The following VPS13B variants were observed in gnomAD, a reference collection of about 807,000 sequenced individuals.
VPS13B encodes vacuolar protein sorting 13 homolog B, also known as intermembrane lipid transfer protein VPS13B.
Under a neutral mutation model 426.4 loss-of-function variants are expected in VPS13B, and 285 were observed. The ratio of observed to expected loss-of-function variants is 0.67; its 90% CI spans 0.61 to 0.74. The LOEUF is 0.74. Ranked by LOEUF, VPS13B falls within the 30% of genes least tolerant of loss-of-function variation. The probability of loss-of-function intolerance (pLI) is 0.00; values close to 1 mark genes in which losing one functional copy is unlikely to be tolerated. For missense variants in VPS13B, 4,537 were observed against 4,782.6 expected (o/e 0.95, Z 1.51); for synonymous variants, 1,676 against 1,676.4 (o/e 1.00, Z 0.01).
chr8:99,550,253 T>A (rs938280094), intron 30 of VPS13B, among the ~76,000 whole-genome samples: 27 of 152,274 alleles, frequency 1.8e-4, no homozygotes, highest in Admixed American at 1.2e-3. Context: ...CTAGCAGTTT[T>A]ATTTTATAAC....
intron 33 of VPS13B, among the ~76,000 whole-genome samples, chr8:99,605,998 G>T (rs575334682): frequency 7.2e-5 from 11 of 151,920 alleles, no homozygotes; most frequent in Non-Finnish European, 1.3e-4. Flanking sequence ...CAGATTCAAG[G>T]GATCCTCCCA....
chr8:99,267,772 A>G (rs767788652), intron 17 of VPS13B, among the ~76,000 whole-genome samples: 2 of 152,044 alleles, frequency 1.3e-5, no homozygotes, highest in Non-Finnish European at 2.9e-5. Context: ...TTCTGGGGAG[A>G]AAGTGAAGCT....
intron 33 of VPS13B, among the ~76,000 whole-genome samples, chr8:99,580,810 C>T (rs982560145): frequency 2.6e-5 from 4 of 151,808 alleles, no homozygotes; most frequent in African/African-American, 9.7e-5. Context: ...TGTGATGGTG[C>T]CACTCCACTC....
chr8:99,583,551 A>G (rs1293558155), intron 33 of VPS13B, among the ~76,000 whole-genome samples: 1 of 152,196 alleles, frequency 6.6e-6, no homozygotes, highest in East Asian at 1.9e-4. Flanking sequence ...ACTTAGAAAT[A>G]ATCAGTTTTG....
chr8:99,034,056 A>T (rs1842632917), intron 2 of VPS13B, among the ~76,000 whole-genome samples: 1 of 152,090 alleles, frequency 6.6e-6, no homozygotes, highest in Non-Finnish European at 1.5e-5. Flanking sequence ...CATGTGTCAT[A>T]GTTGTTTGTT....
chr8:99,289,245 A>G (rs915092222), intron 19 of VPS13B, among the ~76,000 whole-genome samples: 2 of 152,152 alleles, frequency 1.3e-5, no homozygotes, highest in Non-Finnish European at 2.9e-5. Flanking sequence ...GTTAAGAACA[A>G]TAGTAAATTT....
rs571305058 is a variant in VPS13B, at chr8:99,580,630, G to T, written c.5220+2997G>T. 1.3e-4 allele frequency among the ~76,000 whole-genome samples: 20 copies of T among 151,834 alleles called. No individual in the cohort carries two copies. In the East Asian group the frequency reaches 3.7e-3, roughly 28 times the overall value. On this transcript the variant is annotated intron_variant, in intron 33 of 61. Coordinates refer to ENST00000357162, the MANE Select transcript of VPS13B (RefSeq NM_152564.5). ...ACTGGGAGGCTGAGGTGGGCGGATT[G>T]CTTGAGCCCAGGAGTTCACAATCAG...
chr8:99,511,105 C>T lies in VPS13B; in HGVS notation c.4226C>T (p.Thr1409Ile). 2 of 1,612,234 alleles carry T rather than the reference C, an allele frequency of 1.2e-6. No homozygotes were observed. Among genetic ancestry groups the T allele is most frequent in the Admixed American group, 1.7e-5 (1 of 59,994 alleles). Residue 1409 changes from threonine to isoleucine, a missense_variant and splice_region_variant, in exon 29 of 62, where the codon ACA becomes ATA. This residue lies in a region of VPS13B where 4,311 missense variants were observed against 4,474.3 expected (regional missense o/e 0.96). Coordinates refer to ENST00000357162, the MANE Select transcript of VPS13B (RefSeq NM_152564.5). ...VFLQCKEKSV[T>I]TTKLLDGTHQ... Reference sequence around the variant, plus strand: ...TGTGATTTCCTTTTTTTGGAACAGACAACTACAAAACTTCTAGATGGCACT... The same window carrying T: ...TGTGATTTCCTTTTTTTGGAACAGATAACTACAAAACTTCTAGATGGCACT...
intron 5 of VPS13B, among the ~76,000 whole-genome samples, chr8:99,109,379 T>C (rs1847234779): frequency 6.6e-6 from 1 of 151,620 alleles, no homozygotes; most frequent in Non-Finnish European, 1.5e-5. Flanking sequence ...CTTCACTTTT[T>C]CTTTCTTTCT....
Position 99,640,019 on chromosome 8 carries a change from TA to T in VPS13B, c.5221-1790del, listed in dbSNP as rs1172250597. On this transcript the variant is annotated intron_variant, in intron 33 of 61. Coordinates refer to ENST00000357162, the MANE Select transcript of VPS13B (RefSeq NM_152564.5). Reference sequence around the variant, plus strand: ...ATAATAATAATAATAATAATAATAATAATAATAAGAAGAAGAAGAAGAAGAA... The same window carrying T: ...ATAATAATAATAATAATAATAATAATATAATAAGAAGAAGAAGAAGAAGAA... Among the ~76,000 whole-genome samples the T allele has an allele frequency of 3.8e-5, 3 of 78,308 alleles. 1 individual carries two copies. The allele number at this position is 78,308 out of a possible 152,430, so 51.4% of individuals were successfully genotyped here.
At chr8:99,695,743 TAC>T (rs1322167826) in intron 35 of VPS13B, among the ~76,000 whole-genome samples, 1 of 88,492 alleles carries the variant, frequency 1.1e-5, no homozygotes, top group Admixed American at 1.0e-4. Context: ...AAAAAGAAAA[TAC>T]AGTGTCCCCA....
At chr8:99,206,277 A>G (rs1253632896) in intron 17 of VPS13B, among the ~76,000 whole-genome samples, 5 of 152,306 alleles carry the variant, frequency 3.3e-5, no homozygotes, top group Middle Eastern at 3.4e-3. Context: ...AAGGTGATCA[A>G]ATGGACATTC....
chr8:99,270,784 C>T (rs548945108), intron 17 of VPS13B, among the ~76,000 whole-genome samples: 1 of 152,184 alleles, frequency 6.6e-6, no homozygotes, highest in South Asian at 2.1e-4. Context: ...ACCCTTAAGG[C>T]TTGAGAGCCA....
intron 15 of VPS13B, among the ~76,000 whole-genome samples, chr8:99,166,761 A>T (rs1382709570): frequency 6.6e-6 from 1 of 152,206 alleles, no homozygotes; most frequent in African/African-American, 2.4e-5. Flanking sequence ...AACCAAAAAG[A>T]TCTTGAAAAA....
intron 33 of VPS13B, among the ~76,000 whole-genome samples, chr8:99,610,305 G>A (rs992501070): frequency 2.0e-5 from 3 of 152,102 alleles, no homozygotes; most frequent in Non-Finnish European, 4.4e-5. Flanking sequence ...GTTCATTGCA[G>A]CACTATTCAC....
At chr8:99,704,997 T>C (rs937840235) in intron 36 of VPS13B, among the ~76,000 whole-genome samples, 2 of 152,060 alleles carry the variant, frequency 1.3e-5, no homozygotes, top group South Asian at 2.1e-4. Context: ...AGAAGTAAAA[T>C]GTAGAGGGGA....
intron 17 of VPS13B, chr8:99,209,704 G>T (rs1199445382): frequency 2.0e-6 from 2 of 983,456 alleles, no homozygotes; most frequent in African/African-American, 3.5e-5. Context: ...ACTGTGCCTG[G>T]CCCTTTATAA....
At chr8:99,521,156 G>A (rs1452422101) in intron 30 of VPS13B, 146 bp downstream of exon 30, 2 of 685,772 alleles carry the variant, frequency 2.9e-6, no homozygotes, top group Non-Finnish European at 4.9e-6. Flanking sequence ...ATTTTCTTCA[G>A]TTGTGGGTTT....
At chr8:99,289,025 C>T (rs1042299646) in intron 19 of VPS13B, among the ~76,000 whole-genome samples, 20 of 109,668 alleles carry the variant, frequency 1.8e-4, no homozygotes, top group African/African-American at 5.7e-4. Context: ...AGTGAGACCC[C>T]TGCCTCTATG....
Sources: gnomAD v4.1 joint callset for allele counts (sites outside exome capture counted in the v4.1 genomes callset) on GRCh38, gnomAD v4.1.1 for gene constraint, gnomAD v4.1.1 regional missense constraint, MANE v1.5 for transcripts, NCBI Gene and HGNC (gene_info 2026-07-23, HGNC 2026-07-21) for gene names.